Variants in BTBD9 observed in about 807,000 individuals in gnomAD.
BTBD9 encodes the protein BTB/POZ domain-containing protein 9.
A neutral mutation model predicts 64.3 loss-of-function variants in BTBD9; 49 were observed. That is an observed-to-expected ratio of 0.76 (90% confidence interval 0.61 to 0.97). The LOEUF is 0.97. Among genes scored for constraint, BTBD9 ranks in the 50% least tolerant of loss-of-function variants. The probability of loss-of-function intolerance (pLI) is 0.00; values close to 1 mark genes in which losing one functional copy is unlikely to be tolerated. For synonymous variants in BTBD9, 260 were observed against 274.7 expected, an observed-to-expected ratio of 0.95 and a Z score of 0.53; for missense variants, 598 against 762.1, an observed-to-expected ratio of 0.78 and a Z score of 2.53.
intron 1 of BTBD9, among the ~76,000 whole-genome samples, chr6:38,626,611 T>C (rs1056456270): frequency 6.6e-6 from 1 of 152,170 alleles, no homozygotes; most frequent in Non-Finnish European, 1.5e-5. Context: ...CTGAATTAGG[T>C]CAATTCTTAT....
chr6:38,392,546 C>T (rs1481200022), intron 6 of BTBD9, among the ~76,000 whole-genome samples: 1 of 152,166 alleles, frequency 6.6e-6, no homozygotes, highest in African/African-American at 2.4e-5. Context: ...AGGCAGTTTA[C>T]ATAAGCTATC....
rs1236158890 is a variant in BTBD9, at chr6:38,288,273, G to C, written c.1453C>G (p.Arg485Gly). The C allele has an allele frequency of 6.2e-7, 1 of 1,612,408 alleles. No homozygotes were observed. The highest frequency in any genetic ancestry group is 8.5e-7 in the Non-Finnish European group (1 of 1,178,820). Reference sequence around the variant, plus strand: ...ATGAATGAGGAGGAATCTTCTTACCGTATTGACCCAATCATGTACGGTTGT... The same window carrying C: ...ATGAATGAGGAGGAATCTTCTTACCCTATTGACCCAATCATGTACGGTTGT... ...LAQPYMIGSIRLLLWDCDDRS... is the reference protein window; with the variant it reads ...LAQPYMIGSIGLLLWDCDDRS... Residue 485 changes from arginine (R) to glycine (G), a missense_variant and splice_region_variant, in exon 8 of 11, where the codon CGG becomes GGG. Physicochemically the swap from Arg to Gly is moderately radical, Grantham distance 125. Transcript: ENST00000481247.
chr6:38,460,828 T>A (rs1770049736), intron 6 of BTBD9, among the ~76,000 whole-genome samples: 1 of 151,944 alleles, frequency 6.6e-6, no homozygotes, highest in Non-Finnish European at 1.5e-5. Context: ...TCACCATGTT[T>A]CCCAGGCTGA....
intron 6 of BTBD9, among the ~76,000 whole-genome samples, chr6:38,459,623 C>T (rs1769982496): frequency 1.3e-5 from 2 of 152,168 alleles, no homozygotes; most frequent in South Asian, 4.1e-4. Flanking sequence ...TGACCTATGG[C>T]AGATGTGTAA....
chr6:38,504,323 A>C (rs935650165), intron 6 of BTBD9, among the ~76,000 whole-genome samples: 1 of 152,204 alleles, frequency 6.6e-6, no homozygotes, highest in Non-Finnish European at 1.5e-5. Context: ...TGAGCTTTCC[A>C]AGTAACCTCC....
At chr6:38,261,412 C>T (rs1356611713) in intron 8 of BTBD9, among the ~76,000 whole-genome samples, 1 of 152,130 alleles carries the variant, frequency 6.6e-6, no homozygotes, top group African/African-American at 2.4e-5. Flanking sequence ...TTTATATTAA[C>T]ACTACCAGCA....
chr6:38,314,889 G>A (rs868312411), intron 7 of BTBD9, among the ~76,000 whole-genome samples: 4 of 151,924 alleles, frequency 2.6e-5, no homozygotes, highest in African/African-American at 7.3e-5. Context: ...TTGCTCTGTC[G>A]CCCAGGCTGG....
At chr6:38,298,997 C>A (rs1166259098) in intron 7 of BTBD9, among the ~76,000 whole-genome samples, 1 of 152,078 alleles carries the variant, frequency 6.6e-6, no homozygotes, top group African/African-American at 2.4e-5. Context: ...CGAATGCTAT[C>A]CCTCTCCCCA....
intron 6 of BTBD9, among the ~76,000 whole-genome samples, chr6:38,386,165 T>C (rs750294093): frequency 5.9e-5 from 9 of 152,272 alleles, no homozygotes; most frequent in Non-Finnish European, 1.0e-4. Flanking sequence ...TAAACGAAAA[T>C]CCTTTATTTA....
intron 10 of BTBD9, among the ~76,000 whole-genome samples, chr6:38,177,261 T>C (rs1204172413): frequency 6.6e-6 from 1 of 152,192 alleles, no homozygotes; most frequent in Non-Finnish European, 1.5e-5. Context: ...TCAAGCTCAC[T>C]CCTCTGGTAT....
intron 6 of BTBD9, among the ~76,000 whole-genome samples, chr6:38,472,657 G>C (rs959411089): frequency 6.6e-6 from 1 of 152,024 alleles, no homozygotes; most frequent in African/African-American, 2.4e-5. Flanking sequence ...ACAGACAAAA[G>C]GCCAAATGGC....
At chr6:38,358,211 C>G (rs1764808555) in intron 6 of BTBD9, among the ~76,000 whole-genome samples, 1 of 152,020 alleles carries the variant, frequency 6.6e-6, no homozygotes, top group Non-Finnish European at 1.5e-5. Context: ...TCACTATATT[C>G]CACATGCAGA....
intron 6 of BTBD9, among the ~76,000 whole-genome samples, chr6:38,478,281 C>T (rs1770984885): frequency 6.6e-6 from 1 of 152,092 alleles, no homozygotes; most frequent in Non-Finnish European, 1.5e-5. Context: ...AGCTTTGCCA[C>T]CTTTAAAATA....
chr6:38,496,327 T>C (rs1386543535), intron 6 of BTBD9, among the ~76,000 whole-genome samples: 1 of 152,146 alleles, frequency 6.6e-6, no homozygotes, highest in East Asian at 1.9e-4. Flanking sequence ...AGTTTTTAAA[T>C]GTTGAGAAAC....
At chr6:38,637,873 C>G (rs73733987) in intron 1 of BTBD9, among the ~76,000 whole-genome samples, 1 of 152,136 alleles carries the variant, frequency 6.6e-6, no homozygotes, top group Non-Finnish European at 1.5e-5. Flanking sequence ...CTGATTAATA[C>G]AACCTCTATC....
At chr6:38,409,524 T>C (rs906681448) in intron 6 of BTBD9, among the ~76,000 whole-genome samples, 1 of 152,112 alleles carries the variant, frequency 6.6e-6, no homozygotes, top group Non-Finnish European at 1.5e-5. Context: ...GAAAAGGCTA[T>C]CTCTAAAATA....
chr6:38,169,627 G>A lies in BTBD9; in HGVS notation c.*5358C>T, dbSNP rs1222989362. On this transcript the variant is annotated 3_prime_UTR_variant, in exon 11 of 11. Transcript: ENST00000481247. ...CCCCCTAGTGGAGCGACTGTCCACT[G>A]GCTTTCAAAGGCGGCACTCCTCAGC... is the stretch of plus-strand genomic sequence containing the variant. 6.6e-6 allele frequency: 1 copy of A among 152,164 alleles called. No individual in the cohort carries two copies. The highest frequency in any genetic ancestry group is 1.5e-5 in the Non-Finnish European group (1 of 68,048). 9.4% of individuals were successfully genotyped at this position (152,164 alleles called of 1,614,324 possible). A position where few individuals can be genotyped will look rare whatever the true frequency, so the allele number is the denominator to read the frequency against.
chr6:38,256,923 CCTGG>C (rs2127535312), intron 8 of BTBD9, among the ~76,000 whole-genome samples: 1 of 152,186 alleles, frequency 6.6e-6, no homozygotes, highest in South Asian at 2.1e-4. Flanking sequence ...TCTCTGTCAC[CCTGG>C]CTGGAGTGCA....
intron 6 of BTBD9, among the ~76,000 whole-genome samples, chr6:38,508,080 G>C (rs1772617312): frequency 6.6e-6 from 1 of 151,992 alleles, no homozygotes; most frequent in Non-Finnish European, 1.5e-5. Context: ...TGATCCACCT[G>C]TCTCGGCCTC....
Sources: gnomAD v4.1 joint callset for allele counts (sites outside exome capture counted in the v4.1 genomes callset) on GRCh38, gnomAD v4.1.1 for gene constraint, MANE v1.5 for transcripts, NCBI Gene and HGNC (gene_info 2026-07-23, HGNC 2026-07-21) for gene names.